Variants in HS3ST4 observed in about 807,000 individuals in gnomAD.
The protein encoded by HS3ST4 is heparan sulfate-glucosamine 3-sulfotransferase 4.
HS3ST4 carries 17 observed loss-of-function variants against 29.2 expected under a neutral mutation model. The ratio of observed to expected loss-of-function variants is 0.58; its 90% confidence interval spans 0.40 to 0.87. The LOEUF (loss-of-function observed/expected upper bound fraction) is 0.87, where lower values mean the gene tolerates loss of function less well. HS3ST4 is among the 40% of genes least tolerant of loss of function. The pLI, the probability that HS3ST4 is intolerant of heterozygous loss-of-function variation, is 0.00. For synonymous variants in HS3ST4, 314 were observed against 285.7 expected (o/e 1.10, Z -1.00); for missense variants, 627 against 634.5 (o/e 0.99, Z 0.13).
chr16:25,899,496 CT>C (rs1279046671), intron 1 of HS3ST4, among the ~76,000 whole-genome samples: 1 of 116,546 alleles, frequency 8.6e-6, no homozygotes, highest in African/African-American at 3.1e-5. Flanking sequence ...GATTGAACTC[CT>C]TTTTAAATTT....
chr16:25,915,234 C>G (rs924846397), intron 1 of HS3ST4, among the ~76,000 whole-genome samples: 6 of 152,136 alleles, frequency 3.9e-5, no homozygotes, highest in African/African-American at 1.4e-4. Context: ...TCAGCAGCCC[C>G]CAAGACTCCG....
intron 1 of HS3ST4, among the ~76,000 whole-genome samples, chr16:25,746,775 A>G (rs1322131429): frequency 2.0e-5 from 3 of 151,942 alleles, no homozygotes; most frequent in Non-Finnish European, 2.9e-5. Context: ...CTGGTCTCAA[A>G]CTCCTGACCT....
At chr16:25,961,398 A>G (rs1360162864) in intron 1 of HS3ST4, among the ~76,000 whole-genome samples, 1 of 152,214 alleles carries the variant, frequency 6.6e-6, no homozygotes, top group African/African-American at 2.4e-5. Flanking sequence ...CCTTTTATGC[A>G]TTTCCAAGTC....
At chr16:26,075,586 T>G (rs1185744440) in intron 1 of HS3ST4, among the ~76,000 whole-genome samples, 1 of 152,218 alleles carries the variant, frequency 6.6e-6, no homozygotes, top group African/African-American at 2.4e-5. Flanking sequence ...TTTCTACAAA[T>G]AGTGTGTAGA....
intron 1 of HS3ST4, among the ~76,000 whole-genome samples, chr16:25,933,558 A>G (rs1968486409): frequency 6.6e-6 from 1 of 151,966 alleles, no homozygotes; most frequent in East Asian, 1.9e-4. Flanking sequence ...ATCTGCTTGT[A>G]TTTTCTCCCC....
chr16:25,789,357 C>G (rs1262746118), intron 1 of HS3ST4, among the ~76,000 whole-genome samples: 1 of 149,064 alleles, frequency 6.7e-6, no homozygotes, highest in African/African-American at 2.5e-5. Flanking sequence ...TCCTTCTTTC[C>G]TTTCCCTCTC....
chr16:25,832,835 A>G (rs1179959127), intron 1 of HS3ST4, among the ~76,000 whole-genome samples: 1 of 152,202 alleles, frequency 6.6e-6, no homozygotes, highest in Non-Finnish European at 1.5e-5. Flanking sequence ...ATCTTGTCTG[A>G]TAGCACAATT....
At chr16:25,761,954 T>C (rs987409316) in intron 1 of HS3ST4, among the ~76,000 whole-genome samples, 2 of 152,180 alleles carry the variant, frequency 1.3e-5, no homozygotes, top group Non-Finnish European at 2.9e-5. Flanking sequence ...TGAATGTATG[T>C]GTTCCCCCGA....
In HS3ST4 at chr16:25,755,618, C is replaced by T. The variant is rs116256969; in HGVS notation, c.734+62467C>T. On this transcript the variant is annotated intron_variant, in intron 1 of 1. Coordinates refer to ENST00000331351, the MANE Select transcript of HS3ST4 (RefSeq NM_006040.3). ...CAGGTGTGCTTTCTTTACCTTGGCC[C>T]GAGGTTTTAAAAGAATACATCAATT... Among the ~76,000 whole-genome samples, 381 of 152,172 alleles carry T rather than the reference C, an allele frequency of 2.5e-3. 2 individuals are homozygous for T. The highest frequency in any genetic ancestry group is 8.7e-3 in the African/African-American group (363 of 41,510).
chr16:25,768,877 C>T lies in HS3ST4; in HGVS notation c.734+75726C>T, dbSNP rs1966837566. ...AGATGGAACAGCATTGGATCCCACT[C>T]AGCTGCATTGCACTGGCTCTGGTTG... On this transcript the variant is annotated intron_variant, in intron 1 of 1. Coordinates refer to ENST00000331351, the MANE Select transcript of HS3ST4 (RefSeq NM_006040.3). 2.0e-5 allele frequency among the ~76,000 whole-genome samples: 3 copies of T among 152,132 alleles called. No individual in the cohort carries two copies. The South Asian group carries it at 6.2e-4, about 32-fold the overall frequency.
chr16:26,131,759 A>G (rs527256556), intron 1 of HS3ST4, among the ~76,000 whole-genome samples: 2 of 152,296 alleles, frequency 1.3e-5, no homozygotes, highest in African/African-American at 2.4e-5. Context: ...AAGTGGGGAA[A>G]AGGAAGATTA....
intron 1 of HS3ST4, among the ~76,000 whole-genome samples, chr16:25,840,403 A>G (rs999259431): frequency 3.3e-5 from 5 of 152,336 alleles, no homozygotes; most frequent in South Asian, 2.1e-4. Flanking sequence ...GTCTTTTGGT[A>G]TCTTGACTGT....
intron 1 of HS3ST4, among the ~76,000 whole-genome samples, chr16:25,809,933 C>A (rs900159864): frequency 2.0e-5 from 3 of 151,816 alleles, no homozygotes; most frequent in Admixed American, 2.0e-4. Context: ...TTCAAAGAAC[C>A]AGCTATTTGT....
chr16:25,994,023 A>AGAGT (rs1969138286), intron 1 of HS3ST4, among the ~76,000 whole-genome samples: 4 of 150,570 alleles, frequency 2.7e-5, no homozygotes, highest in Non-Finnish European at 4.4e-5. Flanking sequence ...AGAGAGAGAG[A>AGAGT]GAGAGAGAAT....
At chr16:26,029,730 C>G (rs1198258834) in intron 1 of HS3ST4, among the ~76,000 whole-genome samples, 2 of 152,144 alleles carry the variant, frequency 1.3e-5, no homozygotes, top group African/African-American at 4.8e-5. Context: ...TTCTTTCTAC[C>G]TGGGAGAGCT....
chr16:25,905,355 G>A (rs1370119885), intron 1 of HS3ST4, among the ~76,000 whole-genome samples: 1 of 152,054 alleles, frequency 6.6e-6, no homozygotes, highest in Non-Finnish European at 1.5e-5. Flanking sequence ...GGGTGGGGCA[G>A]GTGTTAAACA....
At chr16:26,049,046 C>A (rs1274665832) in intron 1 of HS3ST4, among the ~76,000 whole-genome samples, 1 of 151,968 alleles carries the variant, frequency 6.6e-6, no homozygotes, top group East Asian at 1.9e-4. Flanking sequence ...CTTTTGTTTT[C>A]ACCTTATTTA....
chr16:25,748,935 A>G (rs186199521), intron 1 of HS3ST4, among the ~76,000 whole-genome samples: 2 of 152,374 alleles, frequency 1.3e-5, no homozygotes, highest in East Asian at 3.9e-4. Flanking sequence ...TGAAATATAC[A>G]GTATGAATAT....
Position 25,692,506 on chromosome 16 carries a change from C to G in HS3ST4, c.89C>G (p.Pro30Arg). ...PPPPGASAKG[P>R]PARKLLFMCT... is the part of the protein sequence containing the mutation. ...CCGCCCGGCGCCTCTGCTAAGGGGC[C>G]GCCGGCGCGCAAGCTGCTTTTTATG... Residue 30 changes from proline (P) to arginine (R), a missense_variant, in exon 1 of 2, where the codon CCG becomes CGG. Around this residue, in one of 2 missense-constraint regions of HS3ST4, gnomAD observed 402 missense variants for 340.8 expected, o/e 1.18. Transcript: ENST00000331351. 38 of 1,413,370 alleles carry G rather than the reference C, an allele frequency of 2.7e-5. No individual in the cohort carries two copies. Among genetic ancestry groups the G allele is most frequent in the Non-Finnish European group, 3.5e-5 (37 of 1,070,834 alleles). The allele number at this position is 1,413,370 out of a possible 1,614,324, so 87.6% of individuals were successfully genotyped here. A position where few individuals can be genotyped will look rare whatever the true frequency, so the allele number is the denominator to read the frequency against.
Sources: allele counts gnomAD v4.1 joint callset (sites outside exome capture counted in the v4.1 genomes callset), GRCh38; gene constraint gnomAD v4.1.1; regional missense constraint gnomAD v4.1.1; transcripts MANE v1.5; gene names NCBI Gene and HGNC (gene_info 2026-07-23, HGNC 2026-07-21).